The following AKAP9 variants were observed in gnomAD, a reference collection of about 807,000 sequenced individuals.
AKAP9 encodes the protein A-kinase anchor protein 9.
A neutral mutation model predicts 488.5 loss-of-function variants in AKAP9; 311 were observed. The observed-to-expected ratio is 0.64, with a 90% CI of 0.58 to 0.70. AKAP9 has a LOEUF of 0.70. Among genes scored for constraint, AKAP9 ranks in the 30% least tolerant of loss-of-function variants. AKAP9 has a pLI of 0.00. For synonymous variants in AKAP9, 1,462 were observed against 1,483.5 expected (o/e 0.99, Z 0.33); for missense variants, 4,215 against 4,374.5 (o/e 0.96, Z 1.03).
chr7:92,027,786 G>C (rs1803559997), intron 14 of AKAP9, among the ~76,000 whole-genome samples: 1 of 152,252 alleles, frequency 6.6e-6, no homozygotes, highest in Non-Finnish European at 1.5e-5. Context: ...GTACCCAACA[G>C]CTCCGAAGAG....
chr7:91,997,509 T>G (rs1370992172), intron 7 of AKAP9, among the ~76,000 whole-genome samples: 2 of 152,198 alleles, frequency 1.3e-5, no homozygotes, highest in African/African-American at 4.8e-5. Context: ...GTGGGTAAAT[T>G]AAGGATCTCA....
intron 1 of AKAP9, among the ~76,000 whole-genome samples, chr7:91,948,762 C>T (rs944825041): frequency 5.3e-5 from 8 of 152,016 alleles, no homozygotes; most frequent in Admixed American, 3.9e-4. Context: ...CAGGCATCCA[C>T]CACCATGCCC....
rs1799349510 is a variant in AKAP9 at position 92,002,960 on chromosome 7, CAAGT to C, written c.3047_3050del (p.Val1016AlafsTer4). 6.2e-7 allele frequency: 1 copy of C among 1,613,200 alleles called. No individual in the cohort carries two copies. ...AGAAAATGTACAGTCATGTGATACT[CAAGT>C]AAGCTCTTTATTAGATGGAGTTGTG... is the stretch of plus-strand genomic sequence containing the variant. On this transcript the variant is annotated frameshift_variant, in exon 8 of 50. Transcript: ENST00000356239. LOFTEE classifies it high-confidence loss of function.
Position 92,029,920 on chromosome 7 carries a change from A to G in AKAP9, c.4174A>G (p.Thr1392Ala). 3 of 1,613,072 alleles carry G rather than the reference A, an allele frequency of 1.9e-6. No homozygotes were observed. Among genetic ancestry groups the G allele is most frequent in the Non-Finnish European group, 2.5e-6 (3 of 1,179,216 alleles). The change falls in exon 15 of 50, where the codon ACA becomes GCA. Residue 1392 changes from threonine (T) to alanine (A), a missense_variant. Thr to Ala is a moderately conservative substitution (Grantham distance 58, BLOSUM62 0). Coordinates refer to ENST00000356239, the MANE Select transcript of AKAP9 (RefSeq NM_005751.5). ...PSLPVDSVVI[T>A]ESDAQRTMYP... ...CTTACCTGTTGATTCGGTGGTAATTACAGAATCTGATGCACAGAGAACAAT... is the reference window on the plus strand; with the variant it reads ...CTTACCTGTTGATTCGGTGGTAATTGCAGAATCTGATGCACAGAGAACAAT...
Position 91,955,021 on chromosome 7 carries a change from T to C in AKAP9, c.48+13874T>C, listed in dbSNP as rs573568011. Among the ~76,000 whole-genome samples the C allele has an allele frequency of 4.3e-3, 661 of 152,340 alleles. 1 individual carries two copies. The highest frequency in any genetic ancestry group is 7.6e-3 in the Non-Finnish European group (515 of 68,034). On this transcript the variant is annotated intron_variant, in intron 1 of 49. Transcript: ENST00000356239. ...AGATGATTTTAGGAGTATCTGTAGATTGATATGATTATTGTATGACACACT... is the reference window on the plus strand; with the variant it reads ...AGATGATTTTAGGAGTATCTGTAGACTGATATGATTATTGTATGACACACT...
At chr7:92,037,637 A>G (rs190252339) in intron 16 of AKAP9, among the ~76,000 whole-genome samples, 1 of 152,340 alleles carries the variant, frequency 6.6e-6, no homozygotes, top group East Asian at 1.9e-4. Context: ...GGAGGCTAGA[A>G]TAAGCAGGGA....
At chr7:92,049,023 C>T (rs1336233685) in intron 21 of AKAP9, among the ~76,000 whole-genome samples, 1 of 152,168 alleles carries the variant, frequency 6.6e-6, no homozygotes, top group African/African-American at 2.4e-5. Flanking sequence ...ATTAGAGATT[C>T]AGAGAGCCTT....
Position 92,002,362 on chromosome 7 carries a change from C to T in AKAP9, c.2445C>T (p.Asp815=), listed in dbSNP as rs753968303. The T allele has an allele frequency of 3.7e-6, 6 of 1,612,362 alleles. No individual in the cohort carries two copies. Among genetic ancestry groups the T allele is most frequent in the East Asian group, 2.2e-5 (1 of 44,744 alleles). ...FLDSIKSKSK[D]SVWEKEIEIL... The stretch of plus-strand genomic sequence containing the variant: ...ACTCCATTAAGTCCAAATCCAAAGA[C>T]TCTGTGTGGGAAAAAGAAATAGAAA... The change falls in exon 8 of 50, where the codon GAC becomes GAT. Residue 815 remains aspartate, a synonymous_variant. Coordinates refer to ENST00000356239, the MANE Select transcript of AKAP9 (RefSeq NM_005751.5).
At chr7:92,099,081 T>C (rs1817115305) in intron 43 of AKAP9, among the ~76,000 whole-genome samples, 1 of 152,210 alleles carries the variant, frequency 6.6e-6, no homozygotes, top group Non-Finnish European at 1.5e-5. Flanking sequence ...AGTCATGATA[T>C]TGCCCAGTTT....
chr7:92,109,447 CTTG>C (rs1819022548), intron 49 of AKAP9, among the ~76,000 whole-genome samples: 2 of 152,174 alleles, frequency 1.3e-5, no homozygotes, highest in South Asian at 4.1e-4. Context: ...TTTGCCTAGG[CTTG>C]TTTTGTTTTG....
chr7:92,058,923 C>G (rs1250959769), intron 22 of AKAP9, among the ~76,000 whole-genome samples: 1 of 151,920 alleles, frequency 6.6e-6, no homozygotes, highest in East Asian at 1.9e-4. Flanking sequence ...TCTTGTGGAA[C>G]AAGACCCTTT....
intron 23 of AKAP9, 83 bp downstream of exon 23, chr7:92,061,505 A>G (rs899237921): frequency 4.7e-6 from 7 of 1,494,232 alleles, no homozygotes; most frequent in Non-Finnish European, 6.4e-6. Flanking sequence ...CAGGTTTGGA[A>G]GCCGTCAATC....
intron 11 of AKAP9, 29 bp from the exon 12 acceptor site, chr7:92,016,988 A>G (rs1012085145): frequency 1.9e-5 from 28 of 1,440,852 alleles, no homozygotes; most frequent in Admixed American, 5.3e-5. Context: ...GTGAAGTGAA[A>G]TTATTGTAAT....
chr7:92,049,730 A>G (rs1325316697), intron 21 of AKAP9, among the ~76,000 whole-genome samples: 1 of 152,078 alleles, frequency 6.6e-6, no homozygotes. Context: ...TATTCAGATT[A>G]TTTCAGATTG....
chr7:92,065,192 A>G lies in AKAP9; in HGVS notation c.5978-39A>G, dbSNP rs759240288. On this transcript the variant is annotated intron_variant, in intron 24 of 49. Transcript: ENST00000356239. ...GGATTTCATTATCATAAGATCATTA[A>G]TTGTGATTTAATTCAGTATATTTTG... is the stretch of plus-strand genomic sequence containing the variant. 22 of 1,330,338 alleles carry G rather than the reference A, an allele frequency of 1.7e-5. No individual in the cohort carries two copies. In the East Asian group the frequency reaches 5.4e-4, roughly 33 times the overall value. The allele number at this position is 1,330,338 out of a possible 1,614,324, so 82.4% of individuals were successfully genotyped here.
At position 92,110,150 on chromosome 7, in the gene AKAP9, G is replaced by A; in HGVS notation, c.11715G>A (p.Met3905Ile). Reference protein sequence around the residue: ...SGSTTQFHAGMRR With the variant: ...SGSTTQFHAGIRR The stretch of plus-strand genomic sequence containing the variant: ...CAACTACTCAATTTCATGCTGGCAT[G>A]AGAAGATAATCCTTTGAAACATCAT... The change falls in exon 50 of 50, where the codon ATG (methionine) becomes ATA (isoleucine). Residue 3905 changes from methionine to isoleucine, a missense_variant. Met to Ile is a conservative substitution (Grantham distance 10, BLOSUM62 1). Transcript: ENST00000356239. 1 of 1,601,508 alleles carries A rather than the reference G, an allele frequency of 6.2e-7. No individual in the cohort carries two copies. The highest frequency in any genetic ancestry group is 1.3e-5 in the African/African-American group (1 of 74,936).
Position 92,083,210 on chromosome 7 carries a change from G to C in AKAP9, c.8201G>C (p.Ser2734Thr). Residue 2734 changes from serine to threonine, a missense_variant, in exon 33 of 50, where the codon AGC becomes ACC. Around this residue, in one of 5 missense-constraint regions of AKAP9, gnomAD observed 1,476 missense variants for 1,477.4 expected, o/e 1.00. Coordinates refer to ENST00000356239, the MANE Select transcript of AKAP9 (RefSeq NM_005751.5). ...ATGACATCTCTTCAGAAAGACTTAA[G>C]CCAAGTTAGGGATCACCTCGCAGAG... The part of the protein sequence containing the change: ...TNMTSLQKDL[S>T]QVRDHLAEAK... 1 of 1,614,008 alleles carries C rather than the reference G, an allele frequency of 6.2e-7. No homozygotes were observed. The highest frequency in any genetic ancestry group is 8.5e-7 in the Non-Finnish European group (1 of 1,179,984).
chr7:92,019,900 G>T (rs1387167963), intron 12 of AKAP9, among the ~76,000 whole-genome samples: 3 of 151,850 alleles, frequency 2.0e-5, no homozygotes, highest in African/African-American at 7.3e-5. Context: ...TATAATCCCA[G>T]CTACTCTGGA....
At chr7:91,983,744 A>G (rs1335207956) in intron 3 of AKAP9, among the ~76,000 whole-genome samples, 3 of 152,190 alleles carry the variant, frequency 2.0e-5, no homozygotes, top group South Asian at 4.1e-4. Flanking sequence ...ACTAGTTTAC[A>G]CTCCCACAAA....
Sources: allele counts gnomAD v4.1 joint callset (sites outside exome capture counted in the v4.1 genomes callset), GRCh38; gene constraint gnomAD v4.1.1; regional missense constraint gnomAD v4.1.1; transcripts MANE v1.5; gene names NCBI Gene and HGNC (gene_info 2026-07-23, HGNC 2026-07-21).